ABCA8: variants seen among roughly 807,000 people sequenced by gnomAD.
The protein encoded by ABCA8 is ATP binding cassette subfamily A member 8.
Under a neutral mutation model 192.3 loss-of-function variants are expected in ABCA8, and 177 were observed. That is an observed-to-expected ratio of 0.92 (90% CI 0.81 to 1.04). The LOEUF (loss-of-function observed/expected upper bound fraction) is 1.04. ABCA8 is among the 50% of genes least tolerant of loss of function. The pLI is 0.00. For missense variants in ABCA8, 1,915 were observed against 1,904.8 expected (o/e 1.01, Z -0.10); for synonymous variants, 642 against 690.2 (o/e 0.93, Z 1.09).
At chr17:68,913,158 A>C (rs1036088789) in intron 17 of ABCA8, among the ~76,000 whole-genome samples, 1 of 152,184 alleles carries the variant, frequency 6.6e-6, no homozygotes, top group African/African-American at 2.4e-5. Flanking sequence ...CCAGTGTGTC[A>C]AGGAAGAAAT....
At position 68,932,293 on chromosome 17, in the gene ABCA8, C is replaced by T. The variant is rs3826430; in HGVS notation, c.792G>A (p.Ala264=). Residue 264 remains alanine, a synonymous_variant, in exon 7 of 40, where the codon GCG becomes GCA. Coordinates refer to ENST00000586539, the MANE Select transcript of ABCA8 (RefSeq NM_001288985.2). ...TTGTGCTGCGTTTGACTCACCAGAACGCTGAATCCCGAAGACCCATCATTG... is the reference window on the plus strand; with the variant it reads ...TTGTGCTGCGTTTGACTCACCAGAATGCTGAATCCCGAAGACCCATCATTG... ...LMTMMGLRDS[A]FWLSWGLLYA... is the part of the protein sequence containing the mutation. The T allele has an allele frequency of 0.026, 42,180 of 1,609,166 alleles. 1,407 individuals are homozygous for T. Among genetic ancestry groups the T allele is most frequent in the East Asian group, 0.19 (8,648 of 44,714 alleles).
At chr17:68,908,913 C>G (rs1355390954) in intron 17 of ABCA8, among the ~76,000 whole-genome samples, 1 of 152,172 alleles carries the variant, frequency 6.6e-6, no homozygotes, top group East Asian at 1.9e-4. Flanking sequence ...TTGCACTTGA[C>G]AAGCCCTTAA....
intron 7 of ABCA8, among the ~76,000 whole-genome samples, chr17:68,930,577 C>A (rs2067839422): frequency 6.6e-6 from 1 of 152,124 alleles, no homozygotes; most frequent in Non-Finnish European, 1.5e-5. Context: ...AATTAATATG[C>A]ATTGAAGAAA....
At chr17:68,870,367 C>A (rs1161964222) in intron 37 of ABCA8, among the ~76,000 whole-genome samples, 1 of 152,194 alleles carries the variant, frequency 6.6e-6, no homozygotes, top group Non-Finnish European at 1.5e-5. Context: ...TTGGGGAACT[C>A]TCTTGTGGAA....
chr17:68,947,352 T>G (rs1039381506), intron 2 of ABCA8, among the ~76,000 whole-genome samples: 1 of 152,246 alleles, frequency 6.6e-6, no homozygotes, highest in African/African-American at 2.4e-5. Context: ...CTTAATTGAA[T>G]TTGCCAATAT....
At chr17:68,894,417 G>T in intron 22 of ABCA8, 107 bp from the exon 23 acceptor site, 1 of 999,222 alleles carries the variant, frequency 1.0e-6, no homozygotes, top group Non-Finnish European at 1.4e-6. Context: ...TTCATATGGT[G>T]TTAAATAATC....
chr17:68,921,202 G>C, intron 13 of ABCA8, among the ~76,000 whole-genome samples, 180 bp downstream of exon 13: 1 of 152,116 alleles, frequency 6.6e-6, no homozygotes. Flanking sequence ...GCCTGTTGTG[G>C]GGTGGGGGGA....
At chr17:68,903,717 A>G (rs1397514852) in intron 19 of ABCA8, among the ~76,000 whole-genome samples, 1 of 152,210 alleles carries the variant, frequency 6.6e-6, no homozygotes, top group Admixed American at 6.5e-5. Context: ...CAGACAATAC[A>G]TTACAGAGGT....
intron 27 of ABCA8, 96 bp downstream of exon 27, chr17:68,885,100 A>C: frequency 7.4e-7 from 1 of 1,347,924 alleles, no homozygotes; most frequent in Non-Finnish European, 1.0e-6. Context: ...AACCCCATGC[A>C]CTTTAAACAT....
At chr17:68,877,387 G>T in intron 33 of ABCA8, 132 bp downstream of exon 33, 1 of 733,000 alleles carries the variant, frequency 1.4e-6, no homozygotes, top group Non-Finnish European at 2.1e-6. Flanking sequence ...GGAGTTTCTA[G>T]TTGTAAATCT....
rs769064543 is a variant in ABCA8, at chr17:68,927,995, A to G, written c.1194T>C (p.Ile398=). The G allele has an allele frequency of 1.9e-6, 3 of 1,609,362 alleles. No homozygotes were observed. Among genetic ancestry groups the G allele is most frequent in the Non-Finnish European group, 2.5e-6 (3 of 1,178,250 alleles). The change falls in exon 10 of 40, where the codon ATT becomes ATC. Residue 398 remains isoleucine (I), a synonymous_variant. Coordinates refer to ENST00000586539, the MANE Select transcript of ABCA8 (RefSeq NM_001288985.2). The part of the protein sequence containing the change: ...FPHPSDGSNL[I]VATNFMLAFD... ...ATGCCAACATGAAATTTGTTGCTAC[A>G]ATGAGATTTGAGCCGTCCGATGGAT...
At chr17:68,912,491 T>A (rs2067246508) in intron 17 of ABCA8, among the ~76,000 whole-genome samples, 1 of 151,752 alleles carries the variant, frequency 6.6e-6, no homozygotes, top group Admixed American at 6.6e-5. Flanking sequence ...TCATTGGCCT[T>A]AAGGAGGAGA....
At chr17:68,907,008 T>A (rs114414584) in intron 18 of ABCA8, among the ~76,000 whole-genome samples, 109 of 152,262 alleles carry the variant, frequency 7.2e-4, no homozygotes, top group African/African-American at 2.3e-3. Flanking sequence ...TTGTCTTGAC[T>A]AGAATACCTC....
At position 68,929,072 on chromosome 17, in the gene ABCA8, C is replaced by T; in HGVS notation, c.1102G>A (p.Ala368Thr). The change falls in exon 9 of 40, where the codon GCC (alanine) becomes ACC (threonine). Residue 368 changes from alanine to threonine, a missense_variant. Physicochemically the swap from Ala to Thr is moderately conservative, Grantham distance 58. Transcript: ENST00000586539. ...EWILSLLSPF[A>T]FMLGMAQLLH... ...ACCTGGGCCATTCCAAGCATGAAGG[C>T]AAAGGGACTAAGCAAGCTTAAAATC... is the stretch of plus-strand genomic sequence containing the variant. The T allele has an allele frequency of 6.3e-7, 1 of 1,580,384 alleles. No individual in the cohort carries two copies. The highest frequency in any genetic ancestry group is 8.6e-7 in the Non-Finnish European group (1 of 1,162,624).
intron 37 of ABCA8, 67 bp downstream of exon 37, chr17:68,875,193 C>T (rs2066166137): frequency 6.3e-7 from 1 of 1,589,632 alleles, no homozygotes; most frequent in Non-Finnish European, 8.6e-7. Flanking sequence ...GAATGACTAT[C>T]ACTCAACATA....
intron 2 of ABCA8, chr17:68,944,877 C>T (rs1429378661): frequency 6.6e-6 from 1 of 152,218 alleles, no homozygotes; most frequent in East Asian, 1.9e-4. Context: ...AGGACGCTCT[C>T]ACAGGTCCAG....
intron 4 of ABCA8, 60 bp downstream of exon 4, chr17:68,940,698 G>T (rs2068200559): frequency 7.0e-6 from 10 of 1,425,920 alleles, no homozygotes; most frequent in East Asian, 4.6e-5. Context: ...GTATAAATCT[G>T]CGGTCAAATA....
intron 21 of ABCA8, among the ~76,000 whole-genome samples, chr17:68,900,748 G>A (rs1390488004): frequency 6.6e-6 from 1 of 152,136 alleles, no homozygotes; most frequent in East Asian, 1.9e-4. Context: ...GACCAAGTAT[G>A]ATTTATCCTA....
intron 23 of ABCA8, among the ~76,000 whole-genome samples, chr17:68,893,351 A>G (rs952087122): frequency 4.6e-5 from 7 of 152,302 alleles, no homozygotes; most frequent in African/African-American, 1.7e-4. Flanking sequence ...ATACATTCCG[A>G]TCACTTGGAC....
Sources: gnomAD v4.1 joint callset for allele counts (sites outside exome capture counted in the v4.1 genomes callset) on GRCh38, gnomAD v4.1.1 for gene constraint, MANE v1.5 for transcripts, NCBI Gene and HGNC (gene_info 2026-07-23, HGNC 2026-07-21) for gene names.